The following DBX2 variants were observed in gnomAD, a reference collection of about 807,000 sequenced individuals.
DBX2 encodes homeobox protein DBX2.
A neutral mutation model predicts 17.7 loss-of-function variants in DBX2; 16 were observed. The ratio of observed to expected loss-of-function variants is 0.90; its 90% confidence interval spans 0.61 to 1.37. The LOEUF (loss-of-function observed/expected upper bound fraction) is 1.37, where lower values mean the gene tolerates loss of function less well. Among genes scored for constraint, DBX2 ranks in the 40% most tolerant of loss-of-function variants. DBX2 has a pLI of 0.00. For missense variants in DBX2, 538 were observed against 433.8 expected (o/e 1.24, Z -2.13); for synonymous variants, 255 against 183.8 (o/e 1.39, Z -3.13).
rs1592762698 is a variant in DBX2 at position 45,050,990 on chromosome 12, G to T, written c.-63C>A. 1 of 1,336,896 alleles carries T rather than the reference G, an allele frequency of 7.5e-7. No individual in the cohort carries two copies. The highest frequency in any genetic ancestry group is 1.5e-5 in the African/African-American group (1 of 64,606). The allele number at this position is 1,336,896 out of a possible 1,614,324, so 82.8% of individuals were successfully genotyped here. A position where few individuals can be genotyped will look rare whatever the true frequency, so the allele number is the denominator to read the frequency against. ...CGCCCGCCTGTCGCCCGGGCGCCCC[G>T]CACCGCACCCAGAGCCGCAGCTTCT... On this transcript the variant is annotated 5_prime_UTR_variant, in exon 1 of 4. Coordinates refer to ENST00000332700, the MANE Select transcript of DBX2 (RefSeq NM_001004329.3).
rs78133656 is a variant in DBX2 at position 45,041,768 on chromosome 12, T to C, written c.404-5654A>G. Reference sequence around the variant, plus strand: ...TGCCTATCTGTCAAGTGCTGAGCACTGCACTGTGTGCTGGGACTACAAAGA... The same window carrying C: ...TGCCTATCTGTCAAGTGCTGAGCACCGCACTGTGTGCTGGGACTACAAAGA... On this transcript the variant is annotated intron_variant, in intron 1 of 3. Transcript: ENST00000332700. Among the ~76,000 whole-genome samples, 573 of 152,346 alleles carry C rather than the reference T, an allele frequency of 3.8e-3. 29 individuals carry two copies. The East Asian group carries it at 0.091, about 24-fold the overall frequency.
At chr12:45,030,365 G>T in intron 2 of DBX2, among the ~76,000 whole-genome samples, 1 of 152,216 alleles carries the variant, frequency 6.6e-6, no homozygotes, top group East Asian at 1.9e-4. Flanking sequence ...TGAACAGCTT[G>T]CCAGTAATGT....
Position 45,023,695 on chromosome 12 carries a change from G to A in DBX2, c.687+12C>T. The A allele has an allele frequency of 6.2e-7, 1 of 1,613,866 alleles. No homozygotes were observed. The highest frequency in any genetic ancestry group is 1.1e-5 in the South Asian group (1 of 91,038). On this transcript the variant is annotated intron_variant, in intron 3 of 3. Coordinates refer to ENST00000332700, the MANE Select transcript of DBX2 (RefSeq NM_001004329.3). ...AATCAGAGGCAGTAGACATCTTCCTGCTTATTAGTACCTGTGATTCCTTTA... is the reference window on the plus strand; with the variant it reads ...AATCAGAGGCAGTAGACATCTTCCTACTTATTAGTACCTGTGATTCCTTTA...
intron 1 of DBX2, among the ~76,000 whole-genome samples, chr12:45,049,662 C>CAA (rs34462401): frequency 0.013 from 1,824 of 139,344 alleles, 25 homozygotes; most frequent in African/African-American, 0.035. Flanking sequence ...AGGACGCAGC[C>CAA]AAAAAAAAAA....
At chr12:45,039,763 T>C (rs1946461497) in intron 1 of DBX2, among the ~76,000 whole-genome samples, 1 of 151,886 alleles carries the variant, frequency 6.6e-6, no homozygotes, top group Non-Finnish European at 1.5e-5. Context: ...AGATTTAACA[T>C]AATAATTAAT....
intron 1 of DBX2, among the ~76,000 whole-genome samples, chr12:45,046,158 C>T (rs561570365): frequency 6.6e-6 from 1 of 152,216 alleles, no homozygotes. Flanking sequence ...TTATCCACTG[C>T]AAGAACTTCT....
intron 1 of DBX2, among the ~76,000 whole-genome samples, chr12:45,045,935 C>A (rs1035769975): frequency 6.6e-6 from 1 of 152,140 alleles, no homozygotes; most frequent in African/African-American, 2.4e-5. Context: ...CTTAAAATAA[C>A]CCTCAAATCC....
At chr12:45,027,540 T>C (rs1195001698) in intron 2 of DBX2, among the ~76,000 whole-genome samples, 4 of 152,118 alleles carry the variant, frequency 2.6e-5, no homozygotes, top group African/African-American at 9.7e-5. Flanking sequence ...TTGGTAAAAT[T>C]TTAGTGAATC....
At chr12:45,023,616 G>A (rs1337721480) in intron 3 of DBX2, 91 bp downstream of exon 3, 3 of 1,457,174 alleles carry the variant, frequency 2.1e-6, no homozygotes, top group Non-Finnish European at 2.8e-6. Flanking sequence ...ATCAGAAGCA[G>A]TTGCCTACGG....
chr12:45,046,647 T>C (rs1044979424), intron 1 of DBX2, among the ~76,000 whole-genome samples: 3 of 152,178 alleles, frequency 2.0e-5, no homozygotes, highest in Non-Finnish European at 4.4e-5. Flanking sequence ...TTTCACACTT[T>C]CAGTGTATCT....
In DBX2 at chr12:45,015,203, T is replaced by C. The variant is rs1381835903; in HGVS notation, c.*1083A>G. 1 of 152,206 alleles carries C rather than the reference T, an allele frequency of 6.6e-6. No homozygotes were observed. Among genetic ancestry groups the C allele is most frequent in the East Asian group, 1.9e-4 (1 of 5,202 alleles). 9.4% of individuals were successfully genotyped at this position (152,206 alleles called of 1,614,324 possible). On this transcript the variant is annotated 3_prime_UTR_variant, in exon 4 of 4. Coordinates refer to ENST00000332700, the MANE Select transcript of DBX2 (RefSeq NM_001004329.3). ...GTAGTCAAAAAACACAAAACATCTGTGTGGTGTTTGTTAATACATAAAAAT... is the reference window on the plus strand; with the variant it reads ...GTAGTCAAAAAACACAAAACATCTGCGTGGTGTTTGTTAATACATAAAAAT...
At chr12:45,049,434 T>C (rs1002196879) in intron 1 of DBX2, among the ~76,000 whole-genome samples, 1 of 152,332 alleles carries the variant, frequency 6.6e-6, no homozygotes, top group African/African-American at 2.4e-5. Context: ...ACTAGGTGAA[T>C]GAGACCGGTG....
At position 45,033,045 on chromosome 12, in the gene DBX2, T is replaced by G. The variant is rs1433526320; in HGVS notation, c.499+2974A>C. Reference sequence around the variant, plus strand: ...CCACTGCCTTTTAATTTTTCCCCACTGTAAGCGTTGTGCTTAAATAGCCTA... The same window carrying G: ...CCACTGCCTTTTAATTTTTCCCCACGGTAAGCGTTGTGCTTAAATAGCCTA... On this transcript the variant is annotated intron_variant, in intron 2 of 3. Coordinates refer to ENST00000332700, the MANE Select transcript of DBX2 (RefSeq NM_001004329.3). 4.6e-5 allele frequency among the ~76,000 whole-genome samples: 7 copies of G among 152,332 alleles called. No individual in the cohort carries two copies. The East Asian group carries it at 1.2e-3, about 25-fold the overall frequency.
At chr12:45,043,446 T>A (rs1022365058) in intron 1 of DBX2, among the ~76,000 whole-genome samples, 1 of 152,194 alleles carries the variant, frequency 6.6e-6, no homozygotes, top group Non-Finnish European at 1.5e-5. Flanking sequence ...TTTTGGAATG[T>A]GTGCTCTTGG....
chr12:45,020,495 G>A (rs1480687901), intron 3 of DBX2, among the ~76,000 whole-genome samples: 2 of 151,962 alleles, frequency 1.3e-5, no homozygotes, highest in Non-Finnish European at 1.5e-5. Context: ...TTAGAAGTTA[G>A]GATAGAGGAT....
At chr12:45,048,134 CGAAAAATAAT>C in intron 1 of DBX2, among the ~76,000 whole-genome samples, 1 of 152,002 alleles carries the variant, frequency 6.6e-6, no homozygotes, top group East Asian at 1.9e-4. Flanking sequence ...CAAAAAATAA[CGAAAAATAAT>C]GAAACCAAAA....
At chr12:45,039,153 T>C (rs1946455688) in intron 1 of DBX2, among the ~76,000 whole-genome samples, 1 of 128,594 alleles carries the variant, frequency 7.8e-6, no homozygotes, top group Admixed American at 8.1e-5. Flanking sequence ...TCCAATTAAG[T>C]GCTTTTTTTT....
At chr12:45,030,393 A>G (rs533561551) in intron 2 of DBX2, among the ~76,000 whole-genome samples, 1 of 152,336 alleles carries the variant, frequency 6.6e-6, no homozygotes, top group Admixed American at 6.5e-5. Context: ...GTTTAGACTC[A>G]CCAATAACTC....
intron 2 of DBX2, among the ~76,000 whole-genome samples, chr12:45,031,239 A>T (rs1317346018): frequency 1.4e-5 from 2 of 144,592 alleles, no homozygotes; most frequent in African/African-American, 2.5e-5. Context: ...AGAGAGAGAG[A>T]GAGAGAGAGA....
Sources: gnomAD v4.1 joint callset for allele counts (sites outside exome capture counted in the v4.1 genomes callset) on GRCh38, gnomAD v4.1.1 for gene constraint, MANE v1.5 for transcripts, NCBI Gene and HGNC (gene_info 2026-07-23, HGNC 2026-07-21) for gene names.